Variants in CNTNAP4 observed in about 807,000 individuals in gnomAD.
CNTNAP4 encodes the protein contactin associated protein family member 4, also known as contactin-associated protein-like 4.
CNTNAP4 carries 98 observed loss-of-function variants against 148.4 expected under a neutral mutation model. That is an observed-to-expected ratio of 0.66 (90% CI 0.56 to 0.78). The LOEUF is 0.78. CNTNAP4 is among the 30% of genes least tolerant of loss of function. CNTNAP4 has a pLI of 0.00. For synonymous variants in CNTNAP4, 730 were observed against 565.1 expected (o/e 1.29, Z -4.14); for missense variants, 1,935 against 1,565.6 (o/e 1.24, Z -3.98).
chr16:76,367,594 C>G (rs56373909), intron 3 of CNTNAP4, among the ~76,000 whole-genome samples: 5,588 of 152,242 alleles, frequency 0.037, 355 homozygotes, highest in African/African-American at 0.13. Context: ...CTTCATTCAG[C>G]TACATATTTA....
intron 10 of CNTNAP4, among the ~76,000 whole-genome samples, chr16:76,471,005 C>T (rs1267568827): frequency 4.0e-5 from 6 of 151,762 alleles, no homozygotes; most frequent in Non-Finnish European, 5.9e-5. Flanking sequence ...CACACTCACA[C>T]ACAACCATCC....
rs1231823789 is a variant in CNTNAP4 at position 76,355,348 on chromosome 16, A to G, written c.227A>G (p.Asn76Ser). 1 of 1,594,716 alleles carries G rather than the reference A, an allele frequency of 6.3e-7. No homozygotes were observed. Among genetic ancestry groups the G allele is most frequent in the East Asian group, 2.3e-5 (1 of 43,562 alleles). Reference sequence around the variant, plus strand: ...GGTGGCTGGTCTCCACTTGTGTCTAACAAATACCAGTGGTTGCAGATTGAC... The same window carrying G: ...GGTGGCTGGTCTCCACTTGTGTCTAGCAAATACCAGTGGTTGCAGATTGAC... ...GAGGWSPLVSNKYQWLQIDLG... is the reference protein window; with the variant it reads ...GAGGWSPLVSSKYQWLQIDLG... The change falls in exon 3 of 24, where the codon AAC becomes AGC. Residue 76 changes from asparagine to serine, a missense_variant. By Grantham distance (46) the Asn-to-Ser change is conservative (BLOSUM62 1). Transcript: ENST00000611870.
chr16:76,335,712 G>A (rs1963962304), intron 2 of CNTNAP4, among the ~76,000 whole-genome samples: 1 of 152,142 alleles, frequency 6.6e-6, no homozygotes, highest in Non-Finnish European at 1.5e-5. Flanking sequence ...AAGTCATTCT[G>A]TTGCTGCCAT....
chr16:76,397,322 T>A (rs753435710), intron 3 of CNTNAP4, among the ~76,000 whole-genome samples: 2 of 151,990 alleles, frequency 1.3e-5, no homozygotes, highest in Admixed American at 6.6e-5. Context: ...GTCAGAAGAA[T>A]GCTAGTGATC....
At chr16:76,286,515 G>A (rs1241681195) in intron 1 of CNTNAP4, among the ~76,000 whole-genome samples, 1 of 152,018 alleles carries the variant, frequency 6.6e-6, no homozygotes, top group African/African-American at 2.4e-5. Flanking sequence ...AAAGACCTCA[G>A]GATCCCCAGT....
At chr16:76,341,305 C>G (rs574604719) in intron 2 of CNTNAP4, among the ~76,000 whole-genome samples, 4 of 152,254 alleles carry the variant, frequency 2.6e-5, no homozygotes, top group African/African-American at 9.6e-5. Context: ...TATTTTATGT[C>G]TAGATGGTGT....
At chr16:76,294,261 C>T (rs1959186089) in intron 1 of CNTNAP4, among the ~76,000 whole-genome samples, 1 of 152,154 alleles carries the variant, frequency 6.6e-6, no homozygotes, top group African/African-American at 2.4e-5. Context: ...GACTGTGATC[C>T]ATACTACACT....
chr16:76,361,041 C>T (rs2013370646), intron 3 of CNTNAP4, among the ~76,000 whole-genome samples: 1 of 151,636 alleles, frequency 6.6e-6, no homozygotes, highest in Admixed American at 6.6e-5. Context: ...GCCAGGATGG[C>T]CTCGATTTGC....
intron 3 of CNTNAP4, among the ~76,000 whole-genome samples, chr16:76,384,095 G>A (rs188527811): frequency 6.6e-6 from 1 of 152,046 alleles, no homozygotes; most frequent in Non-Finnish European, 1.5e-5. Flanking sequence ...CCAGGCTGGA[G>A]TGCAGTGGCA....
At chr16:76,492,949 C>CG (rs2082276020) in intron 13 of CNTNAP4, among the ~76,000 whole-genome samples, 1 of 148,600 alleles carries the variant, frequency 6.7e-6, no homozygotes, top group Non-Finnish European at 1.5e-5. Context: ...TGCTTGCACA[C>CG]TTTTTTTTTT....
intron 1 of CNTNAP4, among the ~76,000 whole-genome samples, chr16:76,309,406 G>A (rs748543655): frequency 6.6e-6 from 1 of 152,130 alleles, no homozygotes; most frequent in Non-Finnish European, 1.5e-5. Context: ...CTTTACACTG[G>A]AGTAAAGGGG....
At chr16:76,493,852 GT>G (rs1163116315) in intron 13 of CNTNAP4, among the ~76,000 whole-genome samples, 1 of 152,156 alleles carries the variant, frequency 6.6e-6, no homozygotes, top group African/African-American at 2.4e-5. Context: ...GAGAGAGCTT[GT>G]CAGCATTAGC....
intron 9 of CNTNAP4, 60 bp downstream of exon 9, chr16:76,462,165 G>A: frequency 1.4e-6 from 2 of 1,439,170 alleles, no homozygotes; most frequent in Non-Finnish European, 1.9e-6. Context: ...GTGCCCCCGT[G>A]TCTTGGCGAA....
rs2015442194 is a variant in CNTNAP4 at position 76,376,617 on chromosome 16, G to A, written c.390+21106G>A. 2.6e-5 allele frequency among the ~76,000 whole-genome samples: 4 copies of A among 152,204 alleles called. No homozygotes were observed. The South Asian group carries it at 8.3e-4, about 32-fold the overall frequency. On this transcript the variant is annotated intron_variant, in intron 3 of 23. Coordinates refer to ENST00000611870, the MANE Select transcript of CNTNAP4 (RefSeq NM_033401.5). Reference sequence around the variant, plus strand: ...CGGAGAGCCCAGCGTTGGCCAAAGGGCATGAACAGGTCACCTGTGCAGACT... The same window carrying A: ...CGGAGAGCCCAGCGTTGGCCAAAGGACATGAACAGGTCACCTGTGCAGACT...
chr16:76,425,801 A>C (rs1445832735), intron 3 of CNTNAP4, among the ~76,000 whole-genome samples: 1 of 152,148 alleles, frequency 6.6e-6, no homozygotes, highest in Admixed American at 6.5e-5. Context: ...ATAGAGCATA[A>C]TGGAAGTGGT....
intron 15 of CNTNAP4, among the ~76,000 whole-genome samples, chr16:76,518,787 G>C (rs1031499145): frequency 6.6e-6 from 1 of 152,064 alleles, no homozygotes; most frequent in African/African-American, 2.4e-5. Context: ...TGAACATGAA[G>C]CTTATTCCTT....
rs2081156344 is a variant in CNTNAP4, at chr16:76,465,780, C to T, written c.1484-1572C>T. On this transcript the variant is annotated intron_variant, in intron 9 of 23. Coordinates refer to ENST00000611870, the MANE Select transcript of CNTNAP4 (RefSeq NM_033401.5). ...GTACAATAAATTAACACTCAAAAAG[C>T]TTTGATGAATTTTTCTTGATATATT... is the stretch of plus-strand genomic sequence containing the variant. 2.0e-5 allele frequency among the ~76,000 whole-genome samples: 3 copies of T among 152,018 alleles called. No homozygotes were observed. The South Asian group carries it at 6.2e-4, about 32-fold the overall frequency.
chr16:76,285,298 A>G lies in CNTNAP4; in HGVS notation c.85+7551A>G, dbSNP rs889242875. On this transcript the variant is annotated intron_variant, in intron 1 of 23. Coordinates refer to ENST00000611870, the MANE Select transcript of CNTNAP4 (RefSeq NM_033401.5). The stretch of plus-strand genomic sequence containing the variant: ...TACAGTTAATGAGTCATTCCAATGT[A>G]ATAATTGGAGAAGTGAGTGAAGCCT... Among the ~76,000 whole-genome samples the G allele has an allele frequency of 7.9e-5, 12 of 152,210 alleles. 1 individual carries two copies. The highest frequency in any genetic ancestry group is 2.4e-4 in the African/African-American group (10 of 41,560).
At chr16:76,296,364 C>T (rs1003292221) in intron 1 of CNTNAP4, among the ~76,000 whole-genome samples, 1 of 152,090 alleles carries the variant, frequency 6.6e-6, no homozygotes, top group African/African-American at 2.4e-5. Context: ...AATACATCTG[C>T]CTTATGATAG....
Sources: gnomAD v4.1 joint callset for allele counts (sites outside exome capture counted in the v4.1 genomes callset) on GRCh38, gnomAD v4.1.1 for gene constraint, MANE v1.5 for transcripts, NCBI Gene and HGNC (gene_info 2026-07-23, HGNC 2026-07-21) for gene names.